The following PDE8A variants were observed in gnomAD, a reference collection of about 807,000 sequenced individuals.
PDE8A encodes the protein high affinity cAMP-specific and IBMX-insensitive 3',5'-cyclic phosphodiesterase 8A.
A neutral mutation model predicts 105.0 loss-of-function variants in PDE8A; 59 were observed. The observed-to-expected ratio is 0.56, with a 90% CI of 0.46 to 0.70. The LOEUF (loss-of-function observed/expected upper bound fraction) is 0.70, where lower values mean the gene tolerates loss of function less well. PDE8A is among the 30% of genes least tolerant of loss of function. The pLI is 0.00. For missense variants in PDE8A, 1,014 were observed against 1,045.9 expected, an observed-to-expected ratio of 0.97 and a Z score of 0.42; for synonymous variants, 355 against 371.9, an observed-to-expected ratio of 0.95 and a Z score of 0.52.
chr15:85,109,335 TAAAG>T (rs1443848500), intron 12 of PDE8A, among the ~76,000 whole-genome samples: 7 of 152,140 alleles, frequency 4.6e-5, no homozygotes, highest in African/African-American at 2.4e-5. Context: ...AATCAGAAAA[TAAAG>T]AAAAGGAAGA....
At chr15:85,059,487 T>G (rs968539925) in intron 1 of PDE8A, among the ~76,000 whole-genome samples, 1 of 152,216 alleles carries the variant, frequency 6.6e-6, no homozygotes, top group African/African-American at 2.4e-5. Flanking sequence ...AGTTTTTACT[T>G]TATATATTTT....
At chr15:85,016,726 A>G (rs2141344132) in intron 1 of PDE8A, among the ~76,000 whole-genome samples, 1 of 152,244 alleles carries the variant, frequency 6.6e-6, no homozygotes, top group East Asian at 1.9e-4. Flanking sequence ...GTTGTATTAT[A>G]TTTACAAATT....
At position 85,138,010 on chromosome 15, in the gene PDE8A, C is replaced by A; in HGVS notation, c.*107C>A. On this transcript the variant is annotated 3_prime_UTR_variant, in exon 22 of 22. Transcript: ENST00000394553. ...TTTCAGTACTAGGCAGAACAGCCCCCGATCTGCATAGCCTGTGAAAGCCCA... is the reference window on the plus strand; with the variant it reads ...TTTCAGTACTAGGCAGAACAGCCCCAGATCTGCATAGCCTGTGAAAGCCCA... 1 of 676,294 alleles carries A rather than the reference C, an allele frequency of 1.5e-6. No homozygotes were observed. Among genetic ancestry groups the A allele is most frequent in the East Asian group, 2.7e-5 (1 of 36,728 alleles). The allele number at this position is 676,294 out of a possible 1,614,324, so 41.9% of individuals were successfully genotyped here.
intron 1 of PDE8A, among the ~76,000 whole-genome samples, chr15:85,046,779 A>G (rs955543863): frequency 2.0e-5 from 3 of 152,174 alleles, no homozygotes; most frequent in Non-Finnish European, 4.4e-5. Context: ...TTTCTCACCC[A>G]CCCCTAATCA....
intron 21 of PDE8A, among the ~76,000 whole-genome samples, chr15:85,137,463 G>C (rs3743158): frequency 0.44 from 66,466 of 151,344 alleles, 15,959 homozygotes; most frequent in East Asian, 0.57. Flanking sequence ...CGGTTGGGGC[G>C]GGGGGGCAGG....
intron 1 of PDE8A, among the ~76,000 whole-genome samples, chr15:84,993,461 AAAAAG>A (rs1046269698): frequency 6.6e-6 from 1 of 151,512 alleles, no homozygotes; most frequent in African/African-American, 2.4e-5. Flanking sequence ...AAAAAAAAAA[AAAAAG>A]AACAAGGATC....
intron 1 of PDE8A, among the ~76,000 whole-genome samples, chr15:84,999,508 A>C (rs558744516): frequency 1.3e-5 from 2 of 152,292 alleles, no homozygotes; most frequent in East Asian, 3.9e-4. Flanking sequence ...TGCACTGGAC[A>C]CTTGCTGGTA....
chr15:85,060,135 T>A lies in PDE8A; in HGVS notation c.187-4235T>A, dbSNP rs115589940. Among the ~76,000 whole-genome samples the A allele has an allele frequency of 7.9e-3, 1,210 of 152,380 alleles. 20 individuals are homozygous for A. Among genetic ancestry groups the A allele is most frequent in the African/African-American group, 0.027 (1,141 of 41,588 alleles). ...AATTACTGTCTTCTTTTGTGTTCAG[T>A]TGATTTTTTGTAATGCAATATTTAA... On this transcript the variant is annotated intron_variant, in intron 1 of 21. Coordinates refer to ENST00000394553, the MANE Select transcript of PDE8A (RefSeq NM_002605.3).
At chr15:85,111,764 C>T (rs914509871) in intron 12 of PDE8A, among the ~76,000 whole-genome samples, 1 of 152,178 alleles carries the variant, frequency 6.6e-6, no homozygotes. Flanking sequence ...CTGTAGATCA[C>T]TTCAGGGAAA....
intron 1 of PDE8A, among the ~76,000 whole-genome samples, chr15:85,052,120 G>C (rs2080985326): frequency 6.6e-6 from 1 of 152,102 alleles, no homozygotes; most frequent in South Asian, 2.1e-4. Context: ...ATGGTTTCCA[G>C]CTTCATCCAT....
At chr15:85,125,935 AAG>A in intron 19 of PDE8A, among the ~76,000 whole-genome samples, 1 of 152,182 alleles carries the variant, frequency 6.6e-6, no homozygotes. Context: ...GAAGAGAAGA[AAG>A]AGGCAAGGAA....
intron 1 of PDE8A, among the ~76,000 whole-genome samples, chr15:85,013,342 G>T (rs2080271510): frequency 6.6e-6 from 1 of 152,170 alleles, no homozygotes; most frequent in Non-Finnish European, 1.5e-5. Flanking sequence ...TATCTTCTCT[G>T]AGCATCACTT....
Position 85,109,104 on chromosome 15 carries a change from A to C in PDE8A, c.1088A>C (p.Lys363Thr). 1 of 1,611,984 alleles carries C rather than the reference A, an allele frequency of 6.2e-7. No homozygotes were observed. The highest frequency in any genetic ancestry group is 8.5e-7 in the Non-Finnish European group (1 of 1,178,408). Residue 363 changes from lysine to threonine, a missense_variant, in exon 12 of 22, where the codon AAA becomes ACA. Coordinates refer to ENST00000394553, the MANE Select transcript of PDE8A (RefSeq NM_002605.3). ...AGGAGAAAAGGCTCACTAGACGTCA[A>C]AGCTGTTGCCTCCCGTGCAACTGAA... is the stretch of plus-strand genomic sequence containing the variant. ...KDRRKGSLDV[K>T]AVASRATEVS...
intron 8 of PDE8A, among the ~76,000 whole-genome samples, chr15:85,095,565 C>A (rs1043762842): frequency 6.6e-6 from 1 of 152,044 alleles, no homozygotes; most frequent in African/African-American, 2.4e-5. Context: ...GCTGGTCTCT[C>A]AAACTCCTGA....
chr15:85,138,241 T>C lies in PDE8A; in HGVS notation c.*338T>C, dbSNP rs1596556312. 1 of 204,066 alleles carries C rather than the reference T, an allele frequency of 4.9e-6. No homozygotes were observed. Among genetic ancestry groups the C allele is most frequent in the East Asian group, 1.1e-4 (1 of 8,738 alleles). 12.6% of individuals were successfully genotyped at this position (204,066 alleles called of 1,614,324 possible). ...CTTCCTGCCAGTGACAGAGCATGTC[T>C]ATTGCAAACAATTCTCTCAGTTACG... On this transcript the variant is annotated 3_prime_UTR_variant, in exon 22 of 22. Transcript: ENST00000394553.
chr15:85,128,944 TAC>T (rs948287766), intron 20 of PDE8A, among the ~76,000 whole-genome samples: 16 of 152,260 alleles, frequency 1.1e-4, no homozygotes, highest in Non-Finnish European at 2.4e-4. Flanking sequence ...TGTAGAATGC[TAC>T]AGTCACTTTG....
intron 11 of PDE8A, among the ~76,000 whole-genome samples, chr15:85,106,725 G>T (rs1270824654): frequency 6.6e-6 from 1 of 152,226 alleles, no homozygotes; most frequent in Non-Finnish European, 1.5e-5. Context: ...TGCTGATGCA[G>T]TACATTCATG....
intron 3 of PDE8A, among the ~76,000 whole-genome samples, chr15:85,069,310 A>G (rs1051068540): frequency 3.3e-5 from 5 of 152,080 alleles, no homozygotes; most frequent in African/African-American, 4.8e-5. Flanking sequence ...AGTGCCTAGC[A>G]CTCTCCATCC....
intron 8 of PDE8A, among the ~76,000 whole-genome samples, chr15:85,095,680 A>G (rs1030114428): frequency 2.0e-5 from 3 of 151,516 alleles, no homozygotes; most frequent in African/African-American, 7.3e-5. Flanking sequence ...GTAAGTAAAT[A>G]TTTTTTGTTT....
Sources: gnomAD v4.1 joint callset for allele counts (sites outside exome capture counted in the v4.1 genomes callset) on GRCh38, gnomAD v4.1.1 for gene constraint, MANE v1.5 for transcripts, NCBI Gene and HGNC (gene_info 2026-07-23, HGNC 2026-07-21) for gene names.